AASS: variants seen among roughly 807,000 people sequenced by gnomAD.
The protein encoded by AASS is alpha-aminoadipic semialdehyde synthase, mitochondrial.
In AASS, 86 loss-of-function variants were observed where a neutral mutation model predicts 105.4. That is an observed-to-expected ratio of 0.82 (90% CI 0.69 to 0.98). AASS has a LOEUF of 0.98. Among genes scored for constraint, AASS ranks in the 50% least tolerant of loss-of-function variants. AASS has a pLI of 0.00. For synonymous variants in AASS, 381 were observed against 394.8 expected (o/e 0.96, Z 0.41); for missense variants, 1,048 against 1,143.2 (o/e 0.92, Z 1.20).
chr7:122,092,066 T>C (rs1055202786), intron 17 of AASS, among the ~76,000 whole-genome samples: 1 of 151,958 alleles, frequency 6.6e-6, no homozygotes, highest in Non-Finnish European at 1.5e-5. Flanking sequence ...AAATAGTGAC[T>C]AACATTTTGT....
At chr7:122,098,937 T>A (rs1329032994) in intron 13 of AASS, 71 bp from the exon 14 acceptor site, 21 of 1,417,554 alleles carry the variant, frequency 1.5e-5, no homozygotes, top group Admixed American at 5.1e-5. Context: ...AATAACAGAA[T>A]CTTGCATTCC....
chr7:122,105,900 G>A (rs746529928), intron 11 of AASS, among the ~76,000 whole-genome samples: 1 of 151,946 alleles, frequency 6.6e-6, no homozygotes, highest in Non-Finnish European at 1.5e-5. Flanking sequence ...AAACAAAATA[G>A]AGACTTAAAA....
At chr7:122,084,979 A>G (rs1370390914) in intron 19 of AASS, among the ~76,000 whole-genome samples, 6 of 152,166 alleles carry the variant, frequency 3.9e-5, no homozygotes, top group African/African-American at 1.2e-4. Context: ...ATTCATGGGC[A>G]TCCACAGCCT....
At chr7:122,115,768 A>C (rs1258649858) in intron 8 of AASS, among the ~76,000 whole-genome samples, 1 of 152,156 alleles carries the variant, frequency 6.6e-6, no homozygotes, top group East Asian at 1.9e-4. Flanking sequence ...TCCAATCACC[A>C]ATACTTCTGT....
chr7:122,101,859 C>T (rs912365433), intron 11 of AASS, among the ~76,000 whole-genome samples, 179 bp from the exon 12 acceptor site: 2 of 151,810 alleles, frequency 1.3e-5, no homozygotes, highest in African/African-American at 4.8e-5. Context: ...CAACTCTGCC[C>T]ACAAGACTAT....
chr7:122,139,650 T>C (rs1796298964), intron 1 of AASS, among the ~76,000 whole-genome samples: 1 of 152,196 alleles, frequency 6.6e-6, no homozygotes, highest in Non-Finnish European at 1.5e-5. Flanking sequence ...TTTCAGGCAA[T>C]ATTTATGCCT....
At chr7:122,132,380 T>A (rs1045741041) in intron 2 of AASS, among the ~76,000 whole-genome samples, 3 of 152,172 alleles carry the variant, frequency 2.0e-5, no homozygotes, top group Non-Finnish European at 4.4e-5. Flanking sequence ...TAGAAAAGCA[T>A]CACTTCACAA....
intron 6 of AASS, among the ~76,000 whole-genome samples, chr7:122,117,983 G>T (rs1156878415): frequency 1.3e-5 from 2 of 152,110 alleles, no homozygotes; most frequent in Admixed American, 6.5e-5. Context: ...AAAAGAAAAA[G>T]AAACGAAGAA....
At chr7:122,077,704 G>A (rs573263220) in intron 23 of AASS, 134 bp downstream of exon 23, 32 of 1,141,488 alleles carry the variant, frequency 2.8e-5, no homozygotes, top group East Asian at 7.1e-5. Context: ...GGCAGTCCGC[G>A]CTTGGATCTT....
chr7:122,096,863 T>C (rs1209796026), intron 15 of AASS, among the ~76,000 whole-genome samples: 2 of 152,096 alleles, frequency 1.3e-5, no homozygotes, highest in Non-Finnish European at 2.9e-5. Flanking sequence ...CTGTTCCAAA[T>C]GGATTTTATC....
intron 11 of AASS, among the ~76,000 whole-genome samples, chr7:122,108,450 CAG>C (rs1238975561): frequency 6.6e-6 from 1 of 152,052 alleles, no homozygotes; most frequent in African/African-American, 2.4e-5. Flanking sequence ...CCAAATTTAA[CAG>C]CATATTTACA....
At chr7:122,116,998 A>G (rs1330106912) in intron 6 of AASS, 41 bp from the exon 7 acceptor site, 4 of 1,545,114 alleles carry the variant, frequency 2.6e-6, no homozygotes, top group African/African-American at 1.4e-5. Flanking sequence ...AATCAATAGA[A>G]AAAGAACCAA....
intron 23 of AASS, 66 bp downstream of exon 23, chr7:122,077,772 G>C: frequency 6.4e-7 from 1 of 1,573,944 alleles, no homozygotes; most frequent in Non-Finnish European, 8.7e-7. Flanking sequence ...ATTACTTGAT[G>C]TCCAGGCACC....
intron 4 of AASS, among the ~76,000 whole-genome samples, chr7:122,122,499 T>C (rs1044639415): frequency 6.6e-6 from 1 of 152,170 alleles, no homozygotes; most frequent in African/African-American, 2.4e-5. Flanking sequence ...CAACAAAATC[T>C]ATCAACAATG....
Position 122,098,444 on chromosome 7 carries a change from A to G in AASS, c.1655+6T>C. ...ATATGAAACTCATTTCTTGCCAGAT[A>G]CTGACCTGATGACAAGATCCTGTTT... On this transcript the variant is annotated splice_donor_region_variant and intron_variant, in intron 15 of 23. Coordinates refer to ENST00000417368, the MANE Select transcript of AASS (RefSeq NM_005763.4). 1 of 1,611,948 alleles carries G rather than the reference A, an allele frequency of 6.2e-7. No individual in the cohort carries two copies. The highest frequency in any genetic ancestry group is 8.5e-7 in the Non-Finnish European group (1 of 1,178,566).
chr7:122,097,833 C>G (rs73442834), intron 15 of AASS, among the ~76,000 whole-genome samples: 9 of 151,792 alleles, frequency 5.9e-5, no homozygotes, highest in Admixed American at 6.6e-5. Context: ...AAGTACATAC[C>G]CAACAGAAAT....
chr7:122,116,993 A>C, intron 6 of AASS, 36 bp from the exon 7 acceptor site: 1 of 1,567,236 alleles, frequency 6.4e-7, no homozygotes, highest in Non-Finnish European at 8.8e-7. Flanking sequence ...CCAAAAATCA[A>C]TAGAAAAAGA....
intron 11 of AASS, 113 bp downstream of exon 11, chr7:122,113,005 C>T (rs1584866900): frequency 1.2e-6 from 1 of 840,246 alleles, no homozygotes; most frequent in African/African-American, 1.7e-5. Context: ...GAAGGGCTGG[C>T]ATTTCATTTT....
intron 11 of AASS, 97 bp from the exon 12 acceptor site, chr7:122,101,777 A>G: frequency 1.1e-6 from 1 of 947,564 alleles, no homozygotes; most frequent in Non-Finnish European, 1.7e-6. Context: ...AGGGAAAAAA[A>G]TAATTTAAGA....
Sources: gnomAD v4.1 joint callset for allele counts (sites outside exome capture counted in the v4.1 genomes callset) on GRCh38, gnomAD v4.1.1 for gene constraint, MANE v1.5 for transcripts, NCBI Gene and HGNC (gene_info 2026-07-23, HGNC 2026-07-21) for gene names.